Variants in CLPX observed in about 807,000 individuals in gnomAD.
CLPX encodes the protein ATP-dependent clpX-like chaperone, mitochondrial.
Under a neutral mutation model 76.4 loss-of-function variants are expected in CLPX, and 34 were observed. The ratio of observed to expected loss-of-function variants is 0.45; its 90% CI spans 0.34 to 0.59. The LOEUF (loss-of-function observed/expected upper bound fraction) is 0.59, where lower values mean the gene tolerates loss of function less well. Among genes scored for constraint, CLPX ranks in the 20% least tolerant of loss-of-function variants. The pLI is 0.01. For synonymous variants in CLPX, 248 were observed against 270.9 expected (o/e 0.92, Z 0.83); for missense variants, 613 against 757.0 (o/e 0.81, Z 2.23).
chr15:65,170,912 T>G (rs967450080), intron 3 of CLPX, among the ~76,000 whole-genome samples: 2 of 134,998 alleles, frequency 1.5e-5, no homozygotes, highest in Non-Finnish European at 3.1e-5. Flanking sequence ...AACCTCCGCC[T>G]CCTGGGTCCA....
At chr15:65,175,258 G>T (rs1310607880) in intron 3 of CLPX, among the ~76,000 whole-genome samples, 3 of 152,186 alleles carry the variant, frequency 2.0e-5, no homozygotes, top group African/African-American at 7.2e-5. Context: ...GGCCAAGGCA[G>T]GTGAATCACC....
intron 5 of CLPX, 122 bp from the exon 6 acceptor site, chr15:65,162,767 T>C (rs2087868952): frequency 1.7e-6 from 1 of 601,470 alleles, no homozygotes; most frequent in African/African-American, 1.9e-5. Context: ...TTTTTCAGCT[T>C]TTCATATATG....
chr15:65,167,067 A>G (rs1471242202), intron 3 of CLPX, among the ~76,000 whole-genome samples: 6 of 152,136 alleles, frequency 3.9e-5, no homozygotes, highest in Non-Finnish European at 8.8e-5. Context: ...CATTCACTAA[A>G]AAAGATTTTT....
At chr15:65,163,144 C>T (rs2087872475) in intron 5 of CLPX, among the ~76,000 whole-genome samples, 1 of 152,092 alleles carries the variant, frequency 6.6e-6, no homozygotes, top group African/African-American at 2.4e-5. Flanking sequence ...GGGAGGATCA[C>T]TGGAGCCTGG....
At chr15:65,164,248 A>T in intron 4 of CLPX, 60 bp from the exon 5 acceptor site, 1 of 1,382,582 alleles carries the variant, frequency 7.2e-7, no homozygotes, top group Admixed American at 2.1e-5. Context: ...ACACACATTA[A>T]AAAGTTATTT....
intron 3 of CLPX, among the ~76,000 whole-genome samples, chr15:65,171,446 C>T (rs981953977): frequency 9.8e-6 from 1 of 101,724 alleles, no homozygotes; most frequent in South Asian, 3.1e-4. Flanking sequence ...GACTCAGTCT[C>T]AAAAAAAAAA....
chr15:65,177,049 G>T (rs915730446), intron 3 of CLPX, among the ~76,000 whole-genome samples: 7 of 151,718 alleles, frequency 4.6e-5, no homozygotes, highest in Admixed American at 4.6e-4. Context: ...AATTTGTTTA[G>T]AAGGTTTTAT....
Position 65,160,621 on chromosome 15 carries a change from TCTCACA to T in CLPX, c.716-1876_716-1871del, listed in dbSNP as rs1487406846. On this transcript the variant is annotated intron_variant, in intron 6 of 13. Coordinates refer to ENST00000300107, the MANE Select transcript of CLPX (RefSeq NM_006660.5). ...CTCTCTCTCTCTCTCTCTCTCTCTC[TCTCACA>T]CACACACACACACACACACACACAC... Among the ~76,000 whole-genome samples, 704 of 128,508 alleles carry T rather than the reference TCTCACA, an allele frequency of 5.5e-3. 9 individuals carry two copies. The East Asian group carries it at 0.062, about 11-fold the overall frequency. The allele number at this position is 128,508 out of a possible 152,430, so 84.3% of individuals were successfully genotyped here.
Position 65,148,745 on chromosome 15 carries a change from C to T in CLPX, c.*2078G>A, listed in dbSNP as rs1271132559. ...CGAGTCTATAAACCAAAAAAAAAAA[C>T]CCACAAATATTTACATGTACTCTGA... On this transcript the variant is annotated 3_prime_UTR_variant, in exon 14 of 14. Coordinates refer to ENST00000300107, the MANE Select transcript of CLPX (RefSeq NM_006660.5). 6.8e-6 allele frequency: 1 copy of T among 146,826 alleles called. No homozygotes were observed. Among genetic ancestry groups the T allele is most frequent in the South Asian group, 2.1e-4 (1 of 4,686 alleles). 9.1% of individuals were successfully genotyped at this position (146,826 alleles called of 1,614,324 possible).
chr15:65,157,106 T>C (rs181179004), intron 8 of CLPX, among the ~76,000 whole-genome samples, 174 bp from the exon 9 acceptor site: 1 of 152,370 alleles, frequency 6.6e-6, no homozygotes, highest in East Asian at 1.9e-4. Context: ...CATCATTTTG[T>C]ACAACTGCTT....
At chr15:65,182,683 C>T (rs2140654883) in intron 1 of CLPX, among the ~76,000 whole-genome samples, 1 of 152,292 alleles carries the variant, frequency 6.6e-6, no homozygotes, top group African/African-American at 2.4e-5. Flanking sequence ...GAATTCTATT[C>T]AAGGACCCTT....
At chr15:65,155,898 A>C in intron 9 of CLPX, 42 bp from the exon 10 acceptor site, 1 of 1,509,192 alleles carries the variant, frequency 6.6e-7, no homozygotes, top group Non-Finnish European at 9.1e-7. Context: ...CCATATAAGC[A>C]CATTATTTAT....
chr15:65,166,877 C>T (rs529762686), intron 3 of CLPX, 92 bp from the exon 4 acceptor site: 3 of 1,273,848 alleles, frequency 2.4e-6, no homozygotes, highest in African/African-American at 3.0e-5. Context: ...GAAAGCTACG[C>T]ACCTGACAAA....
intron 3 of CLPX, among the ~76,000 whole-genome samples, chr15:65,168,609 G>A (rs1359564080): frequency 9.8e-6 from 1 of 101,570 alleles, no homozygotes; most frequent in Non-Finnish European, 1.9e-5. Flanking sequence ...GGGGTGGGGG[G>A]AGGGGGGAGG....
chr15:65,184,867 T>C (rs913181121), intron 1 of CLPX, among the ~76,000 whole-genome samples: 8 of 152,014 alleles, frequency 5.3e-5, no homozygotes, highest in African/African-American at 9.7e-5. Flanking sequence ...TGGGAAGGAG[T>C]TTACTTCCAA....
At chr15:65,163,468 A>AT (rs2087876154) in intron 5 of CLPX, among the ~76,000 whole-genome samples, 1 of 152,194 alleles carries the variant, frequency 6.6e-6, no homozygotes, top group African/African-American at 2.4e-5. Flanking sequence ...AAATGATGGA[A>AT]TATAGGCCTA....
At position 65,169,644 on chromosome 15, in the gene CLPX, A is replaced by T. The variant is rs1176376767; in HGVS notation, c.359-2859T>A. 2.6e-5 allele frequency among the ~76,000 whole-genome samples: 4 copies of T among 152,216 alleles called. No individual in the cohort carries two copies. The East Asian group carries it at 7.8e-4, about 30-fold the overall frequency. ...GGCAGGAGAACTGCTTGAACCTGGG[A>T]GGCAGAGGTTGCAGTGAGCCGAGAT... On this transcript the variant is annotated intron_variant, in intron 3 of 13. Transcript: ENST00000300107.
At chr15:65,178,469 TCATA>T (rs2088118150) in intron 3 of CLPX, among the ~76,000 whole-genome samples, 1 of 152,212 alleles carries the variant, frequency 6.6e-6, no homozygotes, top group Admixed American at 6.6e-5. Context: ...TCAGGTAAGC[TCATA>T]CAATTTACAT....
chr15:65,153,603 T>C lies in CLPX; in HGVS notation c.1648A>G (p.Ile550Val), dbSNP rs2087752135. Residue 550 changes from isoleucine to valine, a missense_variant, in exon 12 of 14, where the codon ATA becomes GTA. By Grantham distance (29) the Ile-to-Val change is conservative (BLOSUM62 3). Around this residue, in one of 2 missense-constraint regions of CLPX, gnomAD observed 450 missense variants for 638.6 expected, o/e 0.70. Coordinates refer to ENST00000300107, the MANE Select transcript of CLPX (RefSeq NM_006660.5). ...LNVTEDALKA[I>V]ARLALERKTG... ...TTTCGTTCTAGTGCCAATCTGGCTATAGCTTTCAAAGCATCCTCAGTAACA... is the reference window on the plus strand; with the variant it reads ...TTTCGTTCTAGTGCCAATCTGGCTACAGCTTTCAAAGCATCCTCAGTAACA... 1 of 1,595,440 alleles carries C rather than the reference T, an allele frequency of 6.3e-7. No individual in the cohort carries two copies. Among genetic ancestry groups the C allele is most frequent in the Non-Finnish European group, 8.5e-7 (1 of 1,172,794 alleles).
Sources: allele counts gnomAD v4.1 joint callset (sites outside exome capture counted in the v4.1 genomes callset), GRCh38; gene constraint gnomAD v4.1.1; regional missense constraint gnomAD v4.1.1; transcripts MANE v1.5; gene names NCBI Gene and HGNC (gene_info 2026-07-23, HGNC 2026-07-21).